ARHGEF3: variants seen among roughly 807,000 people sequenced by gnomAD.
ARHGEF3 encodes the protein Rho guanine nucleotide exchange factor 3, also known as 59.8 kDA protein.
In ARHGEF3, 28 loss-of-function variants were observed where a neutral mutation model predicts 63.2. The ratio of observed to expected loss-of-function variants is 0.44; its 90% CI spans 0.33 to 0.61. ARHGEF3 has a LOEUF of 0.61. Among genes scored for constraint, ARHGEF3 ranks in the 20% least tolerant of loss-of-function variants. The probability of loss-of-function intolerance (pLI) is 0.03; values close to 1 mark genes in which losing one functional copy is unlikely to be tolerated. For synonymous variants in ARHGEF3, 266 were observed against 254.2 expected, an observed-to-expected ratio of 1.05 and a Z score of -0.44; for missense variants, 533 against 659.3, an observed-to-expected ratio of 0.81 and a Z score of 2.10.
chr3:56,982,767 C>T (rs1436329841), intron 2 of ARHGEF3, among the ~76,000 whole-genome samples: 1 of 152,104 alleles, frequency 6.6e-6, no homozygotes, highest in Non-Finnish European at 1.5e-5. Context: ...CTGTCTGCTG[C>T]CTTGGTCAGC....
intron 1 of ARHGEF3, among the ~76,000 whole-genome samples, chr3:57,066,261 CCTTT>C (rs1183824359): frequency 7.3e-5 from 11 of 151,712 alleles, no homozygotes; most frequent in South Asian, 2.1e-4. Flanking sequence ...TTACACTTTT[CCTTT>C]CTTTCTTTTT....
At chr3:56,825,454 C>A (rs1344404292) in intron 4 of ARHGEF3, among the ~76,000 whole-genome samples, 1 of 152,198 alleles carries the variant, frequency 6.6e-6, no homozygotes, top group East Asian at 1.9e-4. Context: ...TCTCTATGTT[C>A]TTTTCTGCTG....
Position 56,729,357 on chromosome 3 carries a change from G to C in ARHGEF3, c.1494C>G (p.Asp498Glu). Reference protein sequence around the residue: ...QSDSESDCSMDTSEVSLDCER... With the variant: ...QSDSESDCSMETSEVSLDCER... ...CACAGTCGAGGCTGACCTCACTCGTGTCCATACTACAGTCTGACTCACTGT... is the reference window on the plus strand; with the variant it reads ...CACAGTCGAGGCTGACCTCACTCGTCTCCATACTACAGTCTGACTCACTGT... Residue 498 changes from aspartate to glutamate, a missense_variant, in exon 10 of 10, where the codon GAC (aspartate) becomes GAG (glutamate). Transcript: ENST00000296315. 1 of 1,614,048 alleles carries C rather than the reference G, an allele frequency of 6.2e-7. No individual in the cohort carries two copies. The highest frequency in any genetic ancestry group is 8.5e-7 in the Non-Finnish European group (1 of 1,180,016).
chr3:56,802,436 G>A (rs537281092), upstream of ARHGEF3, among the ~76,000 whole-genome samples: 6 of 152,084 alleles, frequency 3.9e-5, no homozygotes, highest in Admixed American at 1.3e-4. Flanking sequence ...TTTTTGTTTG[G>A]TTTTTTAAAT....
intron 3 of ARHGEF3, among the ~76,000 whole-genome samples, chr3:56,953,890 C>T (rs1699926356): frequency 6.6e-6 from 1 of 152,156 alleles, no homozygotes; most frequent in African/African-American, 2.4e-5. Flanking sequence ...GCTTACCCAC[C>T]TCAGTTTCCC....
At position 56,840,290 on chromosome 3, in the gene ARHGEF3, A is replaced by G. The variant is rs143190494; in HGVS notation, c.192+42002T>C. 4.0e-3 allele frequency among the ~76,000 whole-genome samples: 607 copies of G among 152,256 alleles called. 1 individual carries two copies. The highest frequency in any genetic ancestry group is 0.014 in the African/African-American group (569 of 41,544). ...GGACCATAAATATTTACAGCATCCAATGGTGTATTTACTATTCAATGATCC... is the reference window on the plus strand; with the variant it reads ...GGACCATAAATATTTACAGCATCCAGTGGTGTATTTACTATTCAATGATCC... On this transcript the variant is annotated intron_variant, in intron 4 of 12. Transcript: ENST00000338458.
chr3:56,899,330 A>T (rs1038181232), intron 3 of ARHGEF3, among the ~76,000 whole-genome samples: 1 of 152,210 alleles, frequency 6.6e-6, no homozygotes, highest in Non-Finnish European at 1.5e-5. Flanking sequence ...AGATCACATA[A>T]CAAGAAAGTT....
intron 4 of ARHGEF3, among the ~76,000 whole-genome samples, chr3:56,868,407 G>A (rs1356159622): frequency 1.3e-5 from 2 of 150,558 alleles, no homozygotes; most frequent in Non-Finnish European, 3.0e-5. Flanking sequence ...CACCCAGGCT[G>A]GAGTGCAGTG....
At chr3:56,796,779 G>A (rs1339984295) in intron 1 of ARHGEF3, among the ~76,000 whole-genome samples, 2 of 152,148 alleles carry the variant, frequency 1.3e-5, no homozygotes, top group African/African-American at 4.8e-5. Context: ...TCATCTCCTT[G>A]ACCCAGCATT....
chr3:56,931,296 C>T (rs1463635327), intron 3 of ARHGEF3, among the ~76,000 whole-genome samples: 1 of 151,826 alleles, frequency 6.6e-6, no homozygotes, highest in Non-Finnish European at 1.5e-5. Flanking sequence ...ATCTTTTTGG[C>T]CAGGTGCAGT....
intron 8 of ARHGEF3, 103 bp from the exon 9 acceptor site, chr3:56,732,527 C>G (rs2033246614): frequency 2.2e-6 from 3 of 1,348,162 alleles, no homozygotes; most frequent in East Asian, 2.3e-5. Flanking sequence ...CAGGTTCACA[C>G]TGGATTATGA....
At chr3:56,741,536 T>A (rs547702873) in intron 7 of ARHGEF3, among the ~76,000 whole-genome samples, 15 of 137,798 alleles carry the variant, frequency 1.1e-4, no homozygotes, top group African/African-American at 3.5e-4. Flanking sequence ...GATGGAGTCT[T>A]GCCCTGTCGC....
At chr3:56,921,442 T>C (rs1209057194) in intron 3 of ARHGEF3, among the ~76,000 whole-genome samples, 1 of 130,304 alleles carries the variant, frequency 7.7e-6, no homozygotes, top group Non-Finnish European at 1.8e-5. Flanking sequence ...AAAATTTGGG[T>C]GTTACTAGGT....
At chr3:56,742,814 C>T (rs1239546674) in intron 7 of ARHGEF3, among the ~76,000 whole-genome samples, 1 of 152,222 alleles carries the variant, frequency 6.6e-6, no homozygotes, top group African/African-American at 2.4e-5. Flanking sequence ...AAAACAGCTT[C>T]ATACTTTATG....
At chr3:57,044,917 T>C (rs1704381515) in intron 1 of ARHGEF3, among the ~76,000 whole-genome samples, 2 of 151,994 alleles carry the variant, frequency 1.3e-5, no homozygotes, top group South Asian at 2.1e-4. Context: ...CTTGGAGGAG[T>C]TCTCATACTG....
chr3:57,041,987 C>T (rs1704205715), intron 1 of ARHGEF3, among the ~76,000 whole-genome samples: 1 of 152,202 alleles, frequency 6.6e-6, no homozygotes, highest in South Asian at 2.1e-4. Context: ...CTAAACTGAA[C>T]CAGAGATAAT....
At chr3:56,808,697 T>C (rs779997663) in intron 4 of ARHGEF3, among the ~76,000 whole-genome samples, 16 of 152,222 alleles carry the variant, frequency 1.1e-4, no homozygotes, top group Non-Finnish European at 1.6e-4. Context: ...CCCTGAAACA[T>C]CATAAACATT....
At chr3:57,023,185 C>T (rs1358204477) in intron 2 of ARHGEF3, among the ~76,000 whole-genome samples, 1 of 152,192 alleles carries the variant, frequency 6.6e-6, no homozygotes, top group Non-Finnish European at 1.5e-5. Flanking sequence ...CTGCAGTATC[C>T]CTATCCCAAA....
intron 2 of ARHGEF3, among the ~76,000 whole-genome samples, chr3:57,002,498 T>TTTTATA (rs1702272295): frequency 7.4e-5 from 1 of 13,494 alleles, no homozygotes; most frequent in Non-Finnish European, 1.5e-4. Context: ...TATATATATG[T>TTTTATA]TATATATATA....
Sources: allele counts gnomAD v4.1 joint callset (sites outside exome capture counted in the v4.1 genomes callset), GRCh38; gene constraint gnomAD v4.1.1; transcripts MANE v1.5; gene names NCBI Gene and HGNC (gene_info 2026-07-23, HGNC 2026-07-21).